Variants in PLEKHG3 observed in about 807,000 individuals in gnomAD.
The protein encoded by PLEKHG3 is pleckstrin homology and RhoGEF domain containing G3.
In PLEKHG3, 62 loss-of-function variants were observed where a neutral mutation model predicts 94.9. That is an observed-to-expected ratio of 0.65 (90% CI 0.53 to 0.81). PLEKHG3 has a LOEUF of 0.81. PLEKHG3 is among the 30% of genes least tolerant of loss of function. The pLI, the probability that PLEKHG3 is intolerant of heterozygous loss-of-function variation, is 0.00. For synonymous variants in PLEKHG3, 614 were observed against 654.0 expected, an observed-to-expected ratio of 0.94 and a Z score of 0.93; for missense variants, 1,461 against 1,619.3, an observed-to-expected ratio of 0.90 and a Z score of 1.68.
chr14:64,705,158 A>G (rs1038228084), intron 1 of PLEKHG3, among the ~76,000 whole-genome samples: 1 of 152,098 alleles, frequency 6.6e-6, no homozygotes, highest in Non-Finnish European at 1.5e-5. Flanking sequence ...TTGGCGCCGC[A>G]CGGTGCTCGC....
At chr14:64,737,934 G>A in intron 14 of PLEKHG3, 1 of 1,224,370 alleles carries the variant, frequency 8.2e-7, no homozygotes, top group Non-Finnish European at 1.0e-6. Context: ...GCCAGAGGCT[G>A]AAGGGGCTAC....
At position 64,749,578 on chromosome 14, in the gene PLEKHG3, C is replaced by T; in HGVS notation, c.*5875C>T. The stretch of plus-strand genomic sequence containing the variant: ...CTTGGGACTGCCCCTTCTGAGGGGG[C>T]CTCCAGGGCAAGCGGCCTGGGGTCC... On this transcript the variant is annotated 3_prime_UTR_variant, in exon 17 of 17. Transcript: ENST00000247226. The surrounding 1 kb of genome is among the most constrained non-coding windows in gnomAD (Gnocchi z 4.7). 1.2e-6 allele frequency: 2 copies of T among 1,607,358 alleles called. No individual in the cohort carries two copies. The highest frequency in any genetic ancestry group is 1.7e-6 in the Non-Finnish European group (2 of 1,179,028).
rs2081641513 is a variant in PLEKHG3 at position 64,739,478 on chromosome 14, A to G, written c.1518+623A>G. Among the ~76,000 whole-genome samples the G allele has an allele frequency of 6.6e-6, 1 of 152,120 alleles. No individual in the cohort carries two copies. Among genetic ancestry groups the G allele is most frequent in the African/African-American group, 2.4e-5 (1 of 41,408 alleles). ...AGGAAGCAGCATCCTTTACTTTCCC[A>G]AAGTTATAAGGGAAAGATCGTGAGC... is the stretch of plus-strand genomic sequence containing the variant. On this transcript the variant is annotated intron_variant, in intron 15 of 16. Transcript: ENST00000247226. This position sits in a 1 kb window ranked among gnomAD's most constrained non-coding sequence, Gnocchi z 4.1.
chr14:64,707,832 T>C (rs534241301), intron 1 of PLEKHG3, among the ~76,000 whole-genome samples: 1 of 152,356 alleles, frequency 6.6e-6, no homozygotes, highest in South Asian at 2.1e-4. Context: ...CCTGTGGACT[T>C]TGATGTGGTG....
chr14:64,737,819 T>G (rs1255233854), intron 14 of PLEKHG3: 5 of 1,066,484 alleles, frequency 4.7e-6, no homozygotes, highest in Non-Finnish European at 5.9e-6. Flanking sequence ...GACGGGAGGT[T>G]GCCCAAGAGG....
Position 64,722,134 on chromosome 14 carries a change from G to A in PLEKHG3, c.-39-5459G>A, listed in dbSNP as rs1594675384. On this transcript the variant is annotated intron_variant, in intron 1 of 16. Transcript: ENST00000247226. The surrounding 1 kb of genome is among the most constrained non-coding windows in gnomAD (Gnocchi z 4.3). ...GCTTTGAGAGCCCTTGGAATGTTTA[G>A]CAGATGATGTAGTTGAGGGATGAAG... is the stretch of plus-strand genomic sequence containing the variant. Among the ~76,000 whole-genome samples, 1 of 152,176 alleles carries A rather than the reference G, an allele frequency of 6.6e-6. No individual in the cohort carries two copies. The highest frequency in any genetic ancestry group is 1.9e-4 in the East Asian group (1 of 5,176).
rs781425977 is a variant in PLEKHG3, at chr14:64,738,831, C to G, written c.1494C>G (p.Phe498Leu). 2 of 1,589,702 alleles carry G rather than the reference C, an allele frequency of 1.3e-6. No homozygotes were observed. Among genetic ancestry groups the G allele is most frequent in the East Asian group, 4.6e-5 (2 of 43,716 alleles). ...SPTSTEKRMS[F>L]ESISSLPEVE... is the part of the protein sequence containing the mutation. ...CCAGTACTGAGAAGCGCATGAGCTT[C>G]GAGTCCATTTCTTCCCTGCCAGAGG... is the stretch of plus-strand genomic sequence containing the variant. The change falls in exon 15 of 17, where the codon TTC (phenylalanine) becomes TTG (leucine). Residue 498 changes from phenylalanine to leucine, a missense_variant. This residue lies in a region of PLEKHG3 where 1,201 missense variants were observed against 1,295.5 expected (regional missense o/e 0.93). Transcript: ENST00000247226. The surrounding 1 kb of genome is among the most constrained non-coding windows in gnomAD (Gnocchi z 4.8).
At position 64,730,714 on chromosome 14, in the gene PLEKHG3, G is replaced by C. The variant is rs375304084; in HGVS notation, c.566+26G>C. On this transcript the variant is annotated intron_variant, in intron 5 of 16. Coordinates refer to ENST00000247226, the MANE Select transcript of PLEKHG3 (RefSeq NM_001308147.2). The surrounding 1 kb of genome is among the most constrained non-coding windows in gnomAD (Gnocchi z 5.4). ...GTGAGTAATTGGGGTGAGAGGGAAG[G>C]CAGAGCCATTTGGTGAGTCCAGAGC... The C allele has an allele frequency of 4.9e-4, 787 of 1,612,752 alleles. 2 individuals are homozygous for C. The highest frequency in any genetic ancestry group is 6.1e-4 in the Non-Finnish European group (714 of 1,178,900).
At position 64,720,278 on chromosome 14, in the gene PLEKHG3, C is replaced by A. The variant is rs779496850; in HGVS notation, c.-39-7315C>A. 5.3e-5 allele frequency among the ~76,000 whole-genome samples: 8 copies of A among 152,216 alleles called. No homozygotes were observed. The highest frequency in any genetic ancestry group is 9.7e-5 in the African/African-American group (4 of 41,448). On this transcript the variant is annotated intron_variant, in intron 1 of 16. Coordinates refer to ENST00000247226, the MANE Select transcript of PLEKHG3 (RefSeq NM_001308147.2). The surrounding 1 kb of genome is among the most constrained non-coding windows in gnomAD (Gnocchi z 4.1). ...GGCAGCTATGCCGTGCTCTAGCTCC[C>A]TGTCTGGGGCCAAGTAGGATGGGAC... is the stretch of plus-strand genomic sequence containing the variant.
At position 64,749,213 on chromosome 14, in the gene PLEKHG3, A is replaced by ATTCGACCGGCGGGC; in HGVS notation, c.*5511_*5524dup. The ATTCGACCGGCGGGC allele has an allele frequency of 6.8e-7, 1 of 1,467,152 alleles. No individual in the cohort carries two copies. The allele number at this position is 1,467,152 out of a possible 1,614,324, so 90.9% of individuals were successfully genotyped here. On this transcript the variant is annotated 3_prime_UTR_variant, in exon 17 of 17. Coordinates refer to ENST00000247226, the MANE Select transcript of PLEKHG3 (RefSeq NM_001308147.2). The surrounding 1 kb of genome is among the most constrained non-coding windows in gnomAD (Gnocchi z 4.7). ...CCGGCCCGCGACTCGACTCATCTCG[A>ATTCGACCGGCGGGC]TTCGACCGGCGGGCGGCGGCGAGAG... is the stretch of plus-strand genomic sequence containing the variant.
At chr14:64,733,079 C>T (rs938067235) in intron 12 of PLEKHG3, among the ~76,000 whole-genome samples, 178 bp downstream of exon 12, 7 of 150,944 alleles carry the variant, frequency 4.6e-5, no homozygotes, top group African/African-American at 1.5e-4. Flanking sequence ...GTGCTCCCCA[C>T]ACCAGGTACC....
Position 64,731,162 on chromosome 14 carries a change from G to A in PLEKHG3, c.842G>A (p.Arg281Gln), listed in dbSNP as rs753098728. The A allele has an allele frequency of 1.9e-6, 3 of 1,610,942 alleles. No homozygotes were observed. The highest frequency in any genetic ancestry group is 1.7e-6 in the Non-Finnish European group (2 of 1,177,470). The stretch of plus-strand genomic sequence containing the variant: ...AAGAGGAGGCATGAGCACGCGGTCC[G>A]GCTCCAGGTGCTCTGGGGCTGGGAC... Reference protein sequence around the residue: ...DMKRRHEHAVRLQEIQSLLIN... With the variant: ...DMKRRHEHAVQLQEIQSLLIN... The change falls in exon 7 of 17, where the codon CGG (arginine) becomes CAG (glutamine). Residue 281 changes from arginine (R) to glutamine (Q), a missense_variant. This residue lies in a region of PLEKHG3 where 1,201 missense variants were observed against 1,295.5 expected (regional missense o/e 0.93). Coordinates refer to ENST00000247226, the MANE Select transcript of PLEKHG3 (RefSeq NM_001308147.2). This position sits in a 1 kb window ranked among gnomAD's most constrained non-coding sequence, Gnocchi z 6.1.
intron 1 of PLEKHG3, among the ~76,000 whole-genome samples, chr14:64,719,887 A>AC (rs1223249237): frequency 6.6e-6 from 1 of 152,036 alleles, no homozygotes; most frequent in Non-Finnish European, 1.5e-5. Context: ...AACCTTTTTG[A>AC]CCTCAAGATG....
intron 12 of PLEKHG3, among the ~76,000 whole-genome samples, chr14:64,733,505 C>T (rs1410688210): frequency 6.6e-6 from 1 of 152,172 alleles, no homozygotes; most frequent in Non-Finnish European, 1.5e-5. Context: ...TACTTGCTCG[C>T]TCCGGCCTTG....
chr14:64,749,396 G>A lies in PLEKHG3; in HGVS notation c.*5693G>A, dbSNP rs746873092. 1.9e-6 allele frequency: 3 copies of A among 1,609,332 alleles called. No individual in the cohort carries two copies. Among genetic ancestry groups the A allele is most frequent in the Non-Finnish European group, 1.7e-6 (2 of 1,179,766 alleles). On this transcript the variant is annotated 3_prime_UTR_variant, in exon 17 of 17. Coordinates refer to ENST00000247226, the MANE Select transcript of PLEKHG3 (RefSeq NM_001308147.2). This position sits in a 1 kb window ranked among gnomAD's most constrained non-coding sequence, Gnocchi z 4.7. ...GGCCGGAGAGGGAAGGCAGGGGCAG[G>A]CTCTGCGCCTTGACGCGGATGCTCT...
intron 12 of PLEKHG3, 101 bp downstream of exon 12, chr14:64,733,002 C>T (rs921061904): frequency 2.7e-5 from 20 of 737,216 alleles, no homozygotes; most frequent in Middle Eastern, 3.2e-4. Context: ...CTCACCTCTG[C>T]GGAAACCCTG....
rs747503818 is a variant in PLEKHG3, at chr14:64,727,359, AT to A, written c.-39-231del. Among the ~76,000 whole-genome samples, 15 of 152,206 alleles carry A rather than the reference AT, an allele frequency of 9.9e-5. No individual in the cohort carries two copies. The highest frequency in any genetic ancestry group is 2.1e-4 in the Non-Finnish European group (14 of 68,032). On this transcript the variant is annotated intron_variant, in intron 1 of 16. Coordinates refer to ENST00000247226, the MANE Select transcript of PLEKHG3 (RefSeq NM_001308147.2). This position sits in a 1 kb window ranked among gnomAD's most constrained non-coding sequence, Gnocchi z 6.0. ...TAAATGTAAATACACATAACATAAA[AT>A]TTACCATCTTCACCATTTTAAGTGT...
intron 12 of PLEKHG3, among the ~76,000 whole-genome samples, chr14:64,734,862 A>G (rs994738480): frequency 4.6e-5 from 7 of 150,992 alleles, no homozygotes; most frequent in Non-Finnish European, 7.4e-5. Context: ...CTGGGATTAC[A>G]GGCACGCGTC....
In PLEKHG3 at chr14:64,726,775, T is replaced by C. The variant is rs919729107; in HGVS notation, c.-39-818T>C. 6.6e-6 allele frequency among the ~76,000 whole-genome samples: 1 copy of C among 152,128 alleles called. No individual in the cohort carries two copies. The highest frequency in any genetic ancestry group is 2.4e-5 in the African/African-American group (1 of 41,414). On this transcript the variant is annotated intron_variant, in intron 1 of 16. Transcript: ENST00000247226. The surrounding 1 kb of genome is among the most constrained non-coding windows in gnomAD (Gnocchi z 5.1). ...GTCAGAGGCAGCCTGTACCAGGTGC[T>C]GGGGTGGGGCTGCGGAGTCGGGGGA...
Sources: allele counts gnomAD v4.1 joint callset (sites outside exome capture counted in the v4.1 genomes callset), GRCh38; gene constraint gnomAD v4.1.1; regional missense constraint gnomAD v4.1.1; non-coding constraint Gnocchi (gnomAD v3.1); transcripts MANE v1.5; gene names NCBI Gene and HGNC (gene_info 2026-07-23, HGNC 2026-07-21).